The following BCAS3 variants were observed in gnomAD, a reference collection of about 807,000 sequenced individuals.
The protein encoded by BCAS3 is BCAS3 microtubule associated cell migration factor, also known as BCAS4/BCAS3 fusion.
A neutral mutation model predicts 116.1 loss-of-function variants in BCAS3; 53 were observed. The observed-to-expected ratio is 0.46, with a 90% confidence interval of 0.37 to 0.57. The LOEUF (loss-of-function observed/expected upper bound fraction) is 0.57, where lower values mean the gene tolerates loss of function less well. Among genes scored for constraint, BCAS3 ranks in the 20% least tolerant of loss-of-function variants. The pLI, the probability that BCAS3 is intolerant of heterozygous loss-of-function variation, is 0.00. For synonymous variants in BCAS3, 391 were observed against 408.2 expected, an observed-to-expected ratio of 0.96 and a Z score of 0.51; for missense variants, 917 against 1,165.4, an observed-to-expected ratio of 0.79 and a Z score of 3.10.
Position 61,019,784 on chromosome 17 carries a change from G to C in BCAS3, c.1637+3883G>C, listed in dbSNP as rs1413181811. 6.6e-6 allele frequency among the ~76,000 whole-genome samples: 1 copy of C among 152,142 alleles called. No homozygotes were observed. The highest frequency in any genetic ancestry group is 1.5e-5 in the Non-Finnish European group (1 of 68,024). On this transcript the variant is annotated intron_variant, in intron 16 of 23. Transcript: ENST00000407086. This position sits in a 1 kb window ranked among gnomAD's most constrained non-coding sequence, Gnocchi z 5.6. ...TTGTATTGTATTTGCTGAGAAATCT[G>C]ATGGCTCCATTAACGTCACCAGGGT...
chr17:61,255,051 AT>A lies in BCAS3; in HGVS notation c.2426-113274del, dbSNP rs2048683865. Among the ~76,000 whole-genome samples, 4 of 152,162 alleles carry A rather than the reference AT, an allele frequency of 2.6e-5. No individual in the cohort carries two copies. In the South Asian group the frequency reaches 8.3e-4, roughly 32 times the overall value. On this transcript the variant is annotated intron_variant, in intron 22 of 23. Transcript: ENST00000407086. ...TTTTCCTCTTTGGGACTTTGGTTTCATTAATCTCAATTTGTTCTGAAGGCAC... is the reference window on the plus strand; with the variant it reads ...TTTTCCTCTTTGGGACTTTGGTTTCATAATCTCAATTTGTTCTGAAGGCAC...
At position 61,199,312 on chromosome 17, in the gene BCAS3, A is replaced by G. The variant is rs1189870152; in HGVS notation, c.2425+114748A>G. Among the ~76,000 whole-genome samples, 1 of 152,144 alleles carries G rather than the reference A, an allele frequency of 6.6e-6. No individual in the cohort carries two copies. The highest frequency in any genetic ancestry group is 1.5e-5 in the Non-Finnish European group (1 of 68,028). On this transcript the variant is annotated intron_variant, in intron 22 of 23. Coordinates refer to ENST00000407086, the MANE Select transcript of BCAS3 (RefSeq NM_017679.5). The surrounding 1 kb of genome is among the most constrained non-coding windows in gnomAD (Gnocchi z 4.6). ...CAGCCAGCCTTACTCTTTCCTCTCT[A>G]CACTGCCACAGCTACAACTGCTTCC...
chr17:61,388,719 ACGTTTCCATTTGCCGCTTGCT>A lies in BCAS3; in HGVS notation c.2594-3254_2594-3234del, dbSNP rs2059977577. ...TCGGGATGGAGGAAGGTAAGGCCAC[ACGTTTCCATTTGCCGCTTGCT>A]CGTAGGGCTGGGCGGCCGGGATGAC... is the stretch of plus-strand genomic sequence containing the variant. On this transcript the variant is annotated intron_variant, in intron 23 of 23. Transcript: ENST00000407086. The surrounding 1 kb of genome is among the most constrained non-coding windows in gnomAD (Gnocchi z 6.5). 6.5e-7 allele frequency: 1 copy of A among 1,543,628 alleles called. No homozygotes were observed. The highest frequency in any genetic ancestry group is 1.2e-5 in the South Asian group (1 of 83,954).
At chr17:61,169,857 T>C (rs1568496005) in intron 22 of BCAS3, among the ~76,000 whole-genome samples, 1 of 152,154 alleles carries the variant, frequency 6.6e-6, no homozygotes, top group Non-Finnish European at 1.5e-5. Context: ...TAATTAACAT[T>C]ATTTTCTTTT....
intron 22 of BCAS3, among the ~76,000 whole-genome samples, chr17:61,254,429 C>T (rs1366694558): frequency 6.6e-6 from 1 of 152,082 alleles, no homozygotes; most frequent in Non-Finnish European, 1.5e-5. Context: ...CTCTCCTTTG[C>T]CCTAGTGTCA....
intron 13 of BCAS3, among the ~76,000 whole-genome samples, chr17:60,934,966 C>G (rs560756811): frequency 4.1e-4 from 63 of 152,220 alleles, no homozygotes; most frequent in African/African-American, 1.5e-3. Context: ...TCAGACCAGC[C>G]TTCCAACATG....
rs895113594 is a variant in BCAS3, at chr17:61,315,801, C to T, written c.2426-52526C>T. ...TGCCCTCCCATCTGCCTCCACATGC[C>T]GCTGCGTCCCCTCCACGGCTCCCCT... On this transcript the variant is annotated intron_variant, in intron 22 of 23. Coordinates refer to ENST00000407086, the MANE Select transcript of BCAS3 (RefSeq NM_017679.5). The surrounding 1 kb of genome is among the most constrained non-coding windows in gnomAD (Gnocchi z 5.3). Among the ~76,000 whole-genome samples the T allele has an allele frequency of 2.6e-5, 4 of 152,126 alleles. No individual in the cohort carries two copies. Among genetic ancestry groups the T allele is most frequent in the Non-Finnish European group, 4.4e-5 (3 of 68,026 alleles).
At chr17:60,686,052 T>C (rs2079094877) in intron 3 of BCAS3, among the ~76,000 whole-genome samples, 4 of 151,972 alleles carry the variant, frequency 2.6e-5, no homozygotes, top group Admixed American at 2.0e-4. Flanking sequence ...GTATTTTTAG[T>C]AGAGACGGGG....
rs1490936482 is a variant in BCAS3 at position 61,248,297 on chromosome 17, A to G, written c.2426-120030A>G. On this transcript the variant is annotated intron_variant, in intron 22 of 23. Transcript: ENST00000407086. The surrounding 1 kb of genome is among the most constrained non-coding windows in gnomAD (Gnocchi z 4.3). ...TCTGAGTTGGATTGGATGGTTTAAC[A>G]TAATTTGTCTCTATGTTTTCTGTCT... 6.6e-6 allele frequency among the ~76,000 whole-genome samples: 1 copy of G among 152,202 alleles called. No homozygotes were observed. Among genetic ancestry groups the G allele is most frequent in the Non-Finnish European group, 1.5e-5 (1 of 68,040 alleles).
intron 22 of BCAS3, among the ~76,000 whole-genome samples, chr17:61,152,407 CA>C (rs1395134365): frequency 2.6e-5 from 4 of 152,134 alleles, no homozygotes; most frequent in Admixed American, 2.0e-4. Flanking sequence ...TTGCTAGCTA[CA>C]GAGCGCTGAT....
rs1488316661 is a variant in BCAS3 at position 61,139,924 on chromosome 17, G to A, written c.2425+55360G>A. On this transcript the variant is annotated intron_variant, in intron 22 of 23. Coordinates refer to ENST00000407086, the MANE Select transcript of BCAS3 (RefSeq NM_017679.5). The surrounding 1 kb of genome is among the most constrained non-coding windows in gnomAD (Gnocchi z 4.7). ...TTGGCAGGAGAAGATTGAGGAAAGG[G>A]ATACCTACTGTCAAGACACAAAGTG... Among the ~76,000 whole-genome samples, 1 of 152,142 alleles carries A rather than the reference G, an allele frequency of 6.6e-6. No homozygotes were observed. The highest frequency in any genetic ancestry group is 1.5e-5 in the Non-Finnish European group (1 of 68,028).
chr17:61,336,386 G>A (rs1444258302), intron 22 of BCAS3, among the ~76,000 whole-genome samples: 1 of 151,984 alleles, frequency 6.6e-6, no homozygotes, highest in African/African-American at 2.4e-5. Context: ...ATTAAATATC[G>A]GAACAGACAG....
chr17:61,334,311 C>G (rs2056529413), intron 22 of BCAS3, among the ~76,000 whole-genome samples: 1 of 152,186 alleles, frequency 6.6e-6, no homozygotes, highest in African/African-American at 2.4e-5. Context: ...TGTAACTTCT[C>G]TGAGTTTCAA....
At position 61,084,097 on chromosome 17, in the gene BCAS3, C is replaced by G. The variant is rs1383618037; in HGVS notation, c.2328-370C>G. Among the ~76,000 whole-genome samples the G allele has an allele frequency of 6.6e-6, 1 of 152,160 alleles. No homozygotes were observed. The highest frequency in any genetic ancestry group is 1.5e-5 in the Non-Finnish European group (1 of 68,034). ...TGATATTAGTGAATTTCAGGATTCT[C>G]AAAACTCTTCATGTGTGTCCCTTGG... On this transcript the variant is annotated intron_variant, in intron 21 of 23. Transcript: ENST00000407086. The surrounding 1 kb of genome is among the most constrained non-coding windows in gnomAD (Gnocchi z 5.5).
In BCAS3 at chr17:60,681,747, G is replaced by T. The variant is rs1173659742; in HGVS notation, c.83+2207G>T. ...TTGTATACATATATATATATTTTTT[G>T]AGACGGAGTTTCGCTCTTTTTGCCC... is the stretch of plus-strand genomic sequence containing the variant. On this transcript the variant is annotated intron_variant, in intron 2 of 23. Transcript: ENST00000407086. Among the ~76,000 whole-genome samples, 5 of 143,468 alleles carry T rather than the reference G, an allele frequency of 3.5e-5. No individual in the cohort carries two copies. The East Asian group carries it at 1.1e-3, about 30-fold the overall frequency. The allele number at this position is 143,468 out of a possible 152,430, so 94.1% of individuals were successfully genotyped here.
chr17:61,109,781 G>A (rs557514217), intron 22 of BCAS3, among the ~76,000 whole-genome samples: 24 of 152,256 alleles, frequency 1.6e-4, no homozygotes, highest in African/African-American at 5.8e-4. Context: ...ACTTTTTGAT[G>A]TGATTGTTTG....
intron 7 of BCAS3, among the ~76,000 whole-genome samples, chr17:60,840,896 G>C (rs1257163951): frequency 2.0e-5 from 3 of 152,040 alleles, no homozygotes; most frequent in Admixed American, 6.6e-5. Context: ...TGCTTTGTAG[G>C]CTTCTCTGTT....
chr17:61,146,433 T>G (rs2077219459), intron 22 of BCAS3, among the ~76,000 whole-genome samples: 1 of 152,074 alleles, frequency 6.6e-6, no homozygotes, highest in South Asian at 2.1e-4. Context: ...CCAAGGTCGC[T>G]TACTTGTGTA....
At chr17:60,761,568 G>A (rs894670639) in intron 6 of BCAS3, among the ~76,000 whole-genome samples, 5 of 152,100 alleles carry the variant, frequency 3.3e-5, no homozygotes, top group Non-Finnish European at 5.9e-5. Context: ...CTATTCCATG[G>A]TGTATATGTG....
Sources: gnomAD v4.1 joint callset for allele counts (sites outside exome capture counted in the v4.1 genomes callset) on GRCh38, gnomAD v4.1.1 for gene constraint, Gnocchi (gnomAD v3.1) non-coding constraint, MANE v1.5 for transcripts, NCBI Gene and HGNC (gene_info 2026-07-23, HGNC 2026-07-21) for gene names.